The following PDE1A variants were observed in gnomAD, a reference collection of about 807,000 sequenced individuals.
The protein encoded by PDE1A is dual specificity calcium/calmodulin-dependent 3',5'-cyclic nucleotide phosphodiesterase 1A.
PDE1A carries 35 observed loss-of-function variants against 61.7 expected under a neutral mutation model. The observed-to-expected ratio is 0.57, with a 90% confidence interval of 0.43 to 0.75. The LOEUF is 0.75. Among genes scored for constraint, PDE1A ranks in the 30% least tolerant of loss-of-function variants. The pLI is 0.00. For synonymous variants in PDE1A, 232 were observed against 213.2 expected, an observed-to-expected ratio of 1.09 and a Z score of -0.77; for missense variants, 597 against 630.6, an observed-to-expected ratio of 0.95 and a Z score of 0.57.
chr2:182,604,895 G>C, the PDE1A span, among the ~76,000 whole-genome samples: 1 of 152,026 alleles, frequency 6.6e-6, no homozygotes, highest in African/African-American at 2.4e-5. Context: ...CTCTCAAAGA[G>C]TTTTTTCCAC....
chr2:182,350,558 G>C (rs1304784128), intron 1 of PDE1A, among the ~76,000 whole-genome samples: 1 of 152,170 alleles, frequency 6.6e-6, no homozygotes, highest in Non-Finnish European at 1.5e-5. Context: ...AAAAAGTGCA[G>C]TTCAAGGTAT....
intron 7 of PDE1A, among the ~76,000 whole-genome samples, chr2:182,221,868 G>C (rs1300232634): frequency 6.6e-6 from 1 of 151,880 alleles, no homozygotes; most frequent in East Asian, 1.9e-4. Flanking sequence ...TCTACCTCTC[G>C]AGGTCTTCAT....
the PDE1A span, among the ~76,000 whole-genome samples, chr2:182,604,990 C>T: frequency 4.6e-5 from 7 of 151,050 alleles, no homozygotes; most frequent in African/African-American, 1.7e-4. Flanking sequence ...TAGTGGCCAG[C>T]TTCAGAATCA....
chr2:182,665,158 T>G, the PDE1A span, among the ~76,000 whole-genome samples: 2 of 152,124 alleles, frequency 1.3e-5, no homozygotes, highest in African/African-American at 4.8e-5. Flanking sequence ...AACTTTTCAG[T>G]AAAAAAGACT....
intron 13 of PDE1A, among the ~76,000 whole-genome samples, chr2:182,154,594 A>C (rs1216872536): frequency 2.0e-5 from 3 of 152,038 alleles, no homozygotes; most frequent in Non-Finnish European, 2.9e-5. Flanking sequence ...TGGTTTAATA[A>C]ATGGGAGGTC....
chr2:182,489,205 T>C (rs1688222886), intron 2 of PDE1A, among the ~76,000 whole-genome samples: 1 of 152,136 alleles, frequency 6.6e-6, no homozygotes, highest in East Asian at 1.9e-4. Context: ...TCACAAGCCC[T>C]AGGGCCTGAG....
intron 10 of PDE1A, among the ~76,000 whole-genome samples, chr2:182,196,711 T>TG (rs2125447390): frequency 6.6e-6 from 1 of 151,190 alleles, no homozygotes; most frequent in South Asian, 2.1e-4. Context: ...ATAAATTGGT[T>TG]TATAGTATTA....
chr2:182,410,130 T>C (rs770928622), intron 1 of PDE1A, among the ~76,000 whole-genome samples: 3 of 152,162 alleles, frequency 2.0e-5, no homozygotes, highest in Non-Finnish European at 4.4e-5. Flanking sequence ...GGCGAGAGGA[T>C]CACTTAAGCC....
chr2:182,299,924 T>C (rs1415125904), intron 1 of PDE1A, among the ~76,000 whole-genome samples: 2 of 152,288 alleles, frequency 1.3e-5, no homozygotes, highest in African/African-American at 2.4e-5. Context: ...CTATTTAAAC[T>C]TGAGCAGCAG....
At chr2:182,537,325 A>C in the PDE1A span, among the ~76,000 whole-genome samples, 8 of 152,244 alleles carry the variant, frequency 5.3e-5, no homozygotes, top group Admixed American at 2.0e-4. Context: ...GTCATAAAAA[A>C]GAATGAGTTC....
the PDE1A span, among the ~76,000 whole-genome samples, chr2:182,571,655 A>G: frequency 6.6e-6 from 1 of 151,952 alleles, no homozygotes; most frequent in Non-Finnish European, 1.5e-5. Context: ...AAATTAAACA[A>G]TAAGTTTATA....
intron 1 of PDE1A, among the ~76,000 whole-genome samples, chr2:182,266,409 A>T (rs1692636531): frequency 1.3e-5 from 2 of 152,182 alleles, no homozygotes; most frequent in Admixed American, 6.6e-5. Context: ...TATTTATGAA[A>T]GTAGAAGATA....
At chr2:182,458,516 G>T (rs1465742421) in intron 2 of PDE1A, among the ~76,000 whole-genome samples, 1 of 152,006 alleles carries the variant, frequency 6.6e-6, no homozygotes, top group African/African-American at 2.4e-5. Context: ...GATATAGAGT[G>T]ACCAGAGTGA....
the PDE1A span, among the ~76,000 whole-genome samples, chr2:182,623,062 G>A: frequency 1.2e-3 from 183 of 152,284 alleles, 1 homozygote; most frequent in African/African-American, 4.1e-3. Flanking sequence ...ACACTGAACT[G>A]CAGTTTGCAC....
chr2:182,471,697 C>A (rs1188747526), intron 2 of PDE1A, among the ~76,000 whole-genome samples: 2 of 151,746 alleles, frequency 1.3e-5, no homozygotes, highest in East Asian at 3.9e-4. Context: ...TGTTCCAACT[C>A]TTCAGTGAAT....
chr2:182,496,812 T>C (rs540610585), intron 2 of PDE1A, among the ~76,000 whole-genome samples: 20 of 152,378 alleles, frequency 1.3e-4, no homozygotes, highest in African/African-American at 4.6e-4. Flanking sequence ...GAATCACAGC[T>C]AAGCTTTTAA....
chr2:182,393,647 TA>T (rs1378885350), intron 1 of PDE1A, among the ~76,000 whole-genome samples: 1 of 152,216 alleles, frequency 6.6e-6, no homozygotes, highest in Non-Finnish European at 1.5e-5. Flanking sequence ...TTTTTGTGAA[TA>T]AAAAACTGAA....
the PDE1A span, among the ~76,000 whole-genome samples, chr2:182,696,937 A>G: frequency 7.2e-5 from 11 of 152,356 alleles, no homozygotes; most frequent in Admixed American, 1.3e-4. Context: ...TTCTCAGGAC[A>G]AAATTTGTCT....
the PDE1A span, among the ~76,000 whole-genome samples, chr2:182,579,906 T>C: frequency 6.6e-6 from 1 of 152,178 alleles, no homozygotes; most frequent in Non-Finnish European, 1.5e-5. Flanking sequence ...TCTAGCTAAC[T>C]CTTCTTGTCC....
Sources: gnomAD v4.1 joint callset for allele counts (sites outside exome capture counted in the v4.1 genomes callset) on GRCh38, gnomAD v4.1.1 for gene constraint, MANE v1.5 for transcripts, NCBI Gene and HGNC (gene_info 2026-07-23, HGNC 2026-07-21) for gene names.